Variants in CEP112 observed in about 807,000 individuals in gnomAD.
CEP112 encodes centrosomal protein of 112 kDa.
Under a neutral mutation model 153.0 loss-of-function variants are expected in CEP112, and 127 were observed. That is an observed-to-expected ratio of 0.83 (90% CI 0.72 to 0.96). The LOEUF (loss-of-function observed/expected upper bound fraction) is 0.96. Among genes scored for constraint, CEP112 ranks in the 40% least tolerant of loss-of-function variants. CEP112 has a pLI of 0.00. For missense variants in CEP112, 1,089 were observed against 1,101.2 expected (o/e 0.99, Z 0.16); for synonymous variants, 358 against 374.4 (o/e 0.96, Z 0.51).
intron 21 of CEP112, among the ~76,000 whole-genome samples, chr17:65,810,429 T>C (rs1447934554): frequency 6.6e-6 from 1 of 152,160 alleles, no homozygotes; most frequent in South Asian, 2.1e-4. Context: ...GCTCTTCATA[T>C]CCTGTCTCCT....
chr17:66,024,038 C>T (rs34377531), intron 16 of CEP112, among the ~76,000 whole-genome samples: 78,261 of 151,984 alleles, frequency 0.51, 21,076 homozygotes, highest in African/African-American at 0.59. Flanking sequence ...AAATGTGATT[C>T]ATCACATAAA....
intron 21 of CEP112, among the ~76,000 whole-genome samples, chr17:65,834,389 G>A (rs1339441537): frequency 6.6e-6 from 1 of 151,988 alleles, no homozygotes; most frequent in Admixed American, 6.6e-5. Context: ...CACAGCAAAA[G>A]AAACTATCAA....
At chr17:65,680,325 C>G (rs2047454254) in intron 24 of CEP112, among the ~76,000 whole-genome samples, 2 of 152,176 alleles carry the variant, frequency 1.3e-5, no homozygotes, top group South Asian at 4.1e-4. Context: ...CAAGAATACA[C>G]TGAGAAAAAG....
chr17:66,116,355 T>A (rs1268779042), intron 6 of CEP112, among the ~76,000 whole-genome samples: 3 of 152,200 alleles, frequency 2.0e-5, no homozygotes, highest in African/African-American at 4.8e-5. Context: ...CAGCTTCTGT[T>A]TCATTGATTA....
rs528501131 is a variant in CEP112, at chr17:66,105,550, T to C, written c.643-8918A>G. On this transcript the variant is annotated intron_variant, in intron 6 of 26. Coordinates refer to ENST00000535342, the MANE Select transcript of CEP112 (RefSeq NM_001199165.4). ...GGCTCATGCCTGTAATCCCAGCACT[T>C]TGGGAGGCCACGGTGGGCAGATTGC... 8.0e-4 allele frequency among the ~76,000 whole-genome samples: 122 copies of C among 152,192 alleles called. 3 individuals are homozygous for C. In the South Asian group the frequency reaches 0.024, roughly 30 times the overall value.
chr17:65,805,413 C>T (rs9890727), intron 21 of CEP112, among the ~76,000 whole-genome samples: 151,552 of 152,272 alleles, frequency 1, 75,420 homozygotes, highest in Middle Eastern at 1. Flanking sequence ...AGGGAGGAGA[C>T]GGAAGAACTA....
At chr17:65,748,876 A>G (rs956691738) in intron 22 of CEP112, among the ~76,000 whole-genome samples, 3 of 152,036 alleles carry the variant, frequency 2.0e-5, no homozygotes, top group African/African-American at 7.2e-5. Flanking sequence ...TCCTGTTTAC[A>G]CTCTCATTAT....
At chr17:66,051,664 T>C (rs1568433255) in intron 12 of CEP112, among the ~76,000 whole-genome samples, 1 of 152,178 alleles carries the variant, frequency 6.6e-6, no homozygotes, top group African/African-American at 2.4e-5. Context: ...TAACACACTC[T>C]AAGATATATG....
chr17:65,710,441 A>C (rs2049119321), intron 23 of CEP112, among the ~76,000 whole-genome samples: 1 of 152,112 alleles, frequency 6.6e-6, no homozygotes, highest in Admixed American at 6.5e-5. Flanking sequence ...AGTCACCTGA[A>C]ATACTTTTAG....
chr17:65,911,351 T>G (rs2060275742), intron 19 of CEP112, among the ~76,000 whole-genome samples: 1 of 152,158 alleles, frequency 6.6e-6, no homozygotes, highest in South Asian at 2.1e-4. Context: ...CAAAATAGAC[T>G]GGTATAAGTA....
chr17:65,644,453 A>G, intron 24 of CEP112: 1 of 410,774 alleles, frequency 2.4e-6, no homozygotes. Flanking sequence ...GCAGTCCTTG[A>G]GGATTCGGTC....
In CEP112 at chr17:66,072,204, TA is replaced by T. The variant is rs559202939; in HGVS notation, c.769-2204del. Among the ~76,000 whole-genome samples the T allele has an allele frequency of 5.3e-5, 8 of 152,264 alleles. No homozygotes were observed. In the South Asian group the frequency reaches 6.2e-4, roughly 12 times the overall value. On this transcript the variant is annotated intron_variant, in intron 8 of 26. Transcript: ENST00000535342. ...TAGAAGCATCCTGCCTCTTTATCCC[TA>T]AAAACTTCAATATATATTTCCTTAG...
At chr17:66,034,139 A>AT (rs1457986945) in intron 12 of CEP112, among the ~76,000 whole-genome samples, 1 of 152,234 alleles carries the variant, frequency 6.6e-6, no homozygotes, top group Non-Finnish European at 1.5e-5. Flanking sequence ...ATTCTCAAAA[A>AT]TAAAAACAGG....
chr17:65,642,542 C>A (rs186951812), intron 24 of CEP112, among the ~76,000 whole-genome samples: 1 of 152,082 alleles, frequency 6.6e-6, no homozygotes. Flanking sequence ...TGTTATAATC[C>A]TGTGACTTAT....
chr17:66,031,758 A>T (rs2065497567), intron 12 of CEP112, among the ~76,000 whole-genome samples: 1 of 152,020 alleles, frequency 6.6e-6, no homozygotes, highest in Non-Finnish European at 1.5e-5. Context: ...CACCATGGCC[A>T]GTGAAAGATT....
chr17:65,837,362 G>A (rs11657427), intron 21 of CEP112, among the ~76,000 whole-genome samples: 50,416 of 151,458 alleles, frequency 0.33, 9,901 homozygotes, highest in Middle Eastern at 0.47. Flanking sequence ...AGTGAGGAGC[G>A]TCTCTGCTGG....
chr17:65,729,376 A>G (rs2050365387), intron 23 of CEP112, among the ~76,000 whole-genome samples: 1 of 152,124 alleles, frequency 6.6e-6, no homozygotes, highest in South Asian at 2.1e-4. Context: ...AAATATGTGC[A>G]TATACACCTA....
chr17:65,782,382 C>T (rs370515903), intron 21 of CEP112, among the ~76,000 whole-genome samples: 5 of 152,270 alleles, frequency 3.3e-5, no homozygotes, highest in African/African-American at 1.2e-4. Context: ...TGCTTATACA[C>T]TGTTGGTGGG....
chr17:65,970,433 CACATCATGCATGTAT>C lies in CEP112; in HGVS notation c.1737-8850_1737-8836del, dbSNP rs2062668263. On this transcript the variant is annotated intron_variant, in intron 17 of 26. Transcript: ENST00000535342. Reference sequence around the variant, plus strand: ...CATGCATGTATATTACATGCATGCACACATCATGCATGTATATTACATGCATGCACACATGCATGT... The same window carrying C: ...CATGCATGTATATTACATGCATGCACATTACATGCATGCACACATGCATGT... Among the ~76,000 whole-genome samples the C allele has an allele frequency of 2.1e-5, 2 of 97,320 alleles. 1 individual carries two copies. Among genetic ancestry groups the C allele is most frequent in the South Asian group, 1.3e-3 (2 of 1,562 alleles). The allele number at this position is 97,320 out of a possible 152,430, so 63.8% of individuals were successfully genotyped here.
Sources: allele counts gnomAD v4.1 joint callset (sites outside exome capture counted in the v4.1 genomes callset), GRCh38; gene constraint gnomAD v4.1.1; transcripts MANE v1.5; gene names NCBI Gene and HGNC (gene_info 2026-07-23, HGNC 2026-07-21).